Variants in WDSUB1 observed in about 807,000 individuals in gnomAD.
The protein encoded by WDSUB1 is WD repeat, sterile alpha motif and U-box domain containing 1.
WDSUB1 carries 49 observed loss-of-function variants against 53.9 expected under a neutral mutation model. The observed-to-expected ratio is 0.91, with a 90% CI of 0.72 to 1.15. The LOEUF (loss-of-function observed/expected upper bound fraction) is 1.15, where lower values mean the gene tolerates loss of function less well. Ranked by LOEUF, WDSUB1 falls within the 50% of genes most tolerant of loss-of-function variation. WDSUB1 has a pLI of 0.00. For missense variants in WDSUB1, 514 were observed against 562.0 expected, an observed-to-expected ratio of 0.91 and a Z score of 0.86; for synonymous variants, 194 against 200.6, an observed-to-expected ratio of 0.97 and a Z score of 0.28.
At chr2:159,260,267 T>G (rs2061160750) in intron 5 of WDSUB1, among the ~76,000 whole-genome samples, 1 of 152,148 alleles carries the variant, frequency 6.6e-6, no homozygotes, top group Non-Finnish European at 1.5e-5. Flanking sequence ...ATCATGCCAC[T>G]GTACTCCAGC....
chr2:159,279,728 AT>A, intron 3 of WDSUB1, 32 bp downstream of exon 3: 1 of 1,557,776 alleles, frequency 6.4e-7, no homozygotes, highest in Non-Finnish European at 8.7e-7. Flanking sequence ...ACAAATAGGA[AT>A]TTCTAGTGCT....
chr2:159,268,409 A>T (rs2061385687), intron 5 of WDSUB1, among the ~76,000 whole-genome samples: 1 of 152,248 alleles, frequency 6.6e-6, no homozygotes, highest in Non-Finnish European at 1.5e-5. Flanking sequence ...GACAATTACT[A>T]TAAATACTTT....
intron 2 of WDSUB1, 52 bp downstream of exon 2, chr2:159,282,620 T>A: frequency 6.5e-7 from 1 of 1,545,486 alleles, no homozygotes; most frequent in Non-Finnish European, 8.7e-7. Flanking sequence ...CAGTTTTTTT[T>A]AAGTACACCT....
chr2:159,260,826 A>C (rs1325523758), intron 5 of WDSUB1, among the ~76,000 whole-genome samples: 1 of 152,232 alleles, frequency 6.6e-6, no homozygotes, highest in Non-Finnish European at 1.5e-5. Flanking sequence ...GTGAAAAAAC[A>C]TCTGCAATAC....
intron 2 of WDSUB1, among the ~76,000 whole-genome samples, chr2:159,281,070 A>C (rs543770075): frequency 3.9e-5 from 6 of 152,322 alleles, no homozygotes; most frequent in African/African-American, 1.4e-4. Context: ...TCTTCAACCC[A>C]AAGACCTAAG....
intron 5 of WDSUB1, among the ~76,000 whole-genome samples, chr2:159,262,393 T>C (rs1316883109): frequency 6.6e-6 from 1 of 151,982 alleles, no homozygotes; most frequent in Non-Finnish European, 1.5e-5. Flanking sequence ...ATCTGGACGA[T>C]TTCACAGGCC....
chr2:159,248,911 T>TA (rs1244377885), intron 9 of WDSUB1, among the ~76,000 whole-genome samples: 2 of 152,206 alleles, frequency 1.3e-5, no homozygotes, highest in African/African-American at 2.4e-5. Flanking sequence ...CAGCCACAAA[T>TA]AGAGATTTTA....
intron 5 of WDSUB1, 29 bp from the exon 6 acceptor site, chr2:159,259,872 A>C: frequency 6.7e-7 from 1 of 1,486,578 alleles, no homozygotes; most frequent in Non-Finnish European, 9.1e-7. Context: ...ATAGGTGAAA[A>C]GTTCTATAAA....
At chr2:159,268,252 T>C (rs1374768235) in intron 5 of WDSUB1, among the ~76,000 whole-genome samples, 1 of 152,230 alleles carries the variant, frequency 6.6e-6, no homozygotes, top group Non-Finnish European at 1.5e-5. Context: ...ACAAACACTG[T>C]CTTATACTTC....
intron 10 of WDSUB1, among the ~76,000 whole-genome samples, chr2:159,244,787 G>C (rs939965702): frequency 6.6e-6 from 1 of 152,018 alleles, no homozygotes; most frequent in Non-Finnish European, 1.5e-5. Flanking sequence ...CAAGTTAGCC[G>C]GGCATGGTAG....
At chr2:159,274,904 A>C (rs1473454681) in intron 4 of WDSUB1, among the ~76,000 whole-genome samples, 1 of 152,222 alleles carries the variant, frequency 6.6e-6, no homozygotes, top group Non-Finnish European at 1.5e-5. Flanking sequence ...TGAAAAGAAA[A>C]CAAAGAAGAT....
intron 10 of WDSUB1, among the ~76,000 whole-genome samples, chr2:159,246,670 CCAGA>C (rs576512354): frequency 1.0e-3 from 159 of 152,196 alleles, no homozygotes; most frequent in Non-Finnish European, 1.9e-3. Context: ...TGAGAAATGT[CCAGA>C]CAAAGATCTG....
rs2061097215 is a variant in WDSUB1, at chr2:159,257,751, T to TA, written c.952+6dup. On this transcript the variant is annotated splice_region_variant and intron_variant, in intron 8 of 10. Transcript: ENST00000359774. ...TGAAATGAGTGAAAAATGATGTCCT[T>TA]ACTAACCTTGGCAAAGTGTTTCCAG... The TA allele has an allele frequency of 6.2e-7, 1 of 1,611,262 alleles. No homozygotes were observed. The highest frequency in any genetic ancestry group is 1.3e-5 in the African/African-American group (1 of 74,776).
At chr2:159,276,866 G>T (rs1285292077) in intron 3 of WDSUB1, among the ~76,000 whole-genome samples, 1 of 152,176 alleles carries the variant, frequency 6.6e-6, no homozygotes, top group Non-Finnish European at 1.5e-5. Flanking sequence ...TTAGCCGGGT[G>T]TGGTGGCACA....
At chr2:159,272,602 A>G (rs2061465818) in intron 4 of WDSUB1, among the ~76,000 whole-genome samples, 1 of 152,222 alleles carries the variant, frequency 6.6e-6, no homozygotes, top group South Asian at 2.1e-4. Flanking sequence ...AAAATTTTTA[A>G]CTTTTAAACT....
chr2:159,271,122 T>C (rs1224707947), intron 5 of WDSUB1, among the ~76,000 whole-genome samples: 1 of 152,204 alleles, frequency 6.6e-6, no homozygotes, highest in Non-Finnish European at 1.5e-5. Flanking sequence ...AAGTATTAAT[T>C]GTTCAGCCAC....
Position 159,257,834 on chromosome 2 carries a change from A to G in WDSUB1, c.876T>C (p.Asn292=), listed in dbSNP as rs780706813. ...TTGAACCAGTAGCAAGTAAAAGGGT[A>G]TTAGGTGCAAAAGCACAAGTTGTGA... The part of the protein sequence containing the change: ...RYVTTCAFAP[N]TLLLATGSMD... Residue 292 remains asparagine, a synonymous_variant, in exon 8 of 11, where the codon AAT becomes AAC. Transcript: ENST00000359774. The G allele has an allele frequency of 1.9e-6, 3 of 1,614,110 alleles. No homozygotes were observed. The highest frequency in any genetic ancestry group is 2.5e-6 in the Non-Finnish European group (3 of 1,180,030).
intron 1 of WDSUB1, 83 bp downstream of exon 1, chr2:159,286,500 C>T (rs930987815): frequency 4.8e-5 from 4 of 83,452 alleles, no homozygotes; most frequent in Non-Finnish European, 1.2e-4. Flanking sequence ...AGGGCTCAGA[C>T]GCCCCGCGCG....
In WDSUB1 at chr2:159,257,969, A is replaced by G. The variant is rs2061104265; in HGVS notation, c.821T>C (p.Leu274Pro). ...CCTGGTGTGCTGAGTCAATGTGTGAAGTATATTCTCAGTATTCTGAAAAAC... is the reference window on the plus strand; with the variant it reads ...CCTGGTGTGCTGAGTCAATGTGTGAGGTATATTCTCAGTATTCTGAAAAAC... ...IVYDTNTENI[L>P]HTLTQHTRYV... Residue 274 changes from leucine (L) to proline (P), a missense_variant, in exon 7 of 11, where the codon CTT (leucine) becomes CCT (proline). Coordinates refer to ENST00000359774, the MANE Select transcript of WDSUB1 (RefSeq NM_001128212.3). 2 of 1,613,110 alleles carry G rather than the reference A, an allele frequency of 1.2e-6. No individual in the cohort carries two copies. The highest frequency in any genetic ancestry group is 1.7e-6 in the Non-Finnish European group (2 of 1,179,776).
Sources: gnomAD v4.1 joint callset for allele counts (sites outside exome capture counted in the v4.1 genomes callset) on GRCh38, gnomAD v4.1.1 for gene constraint, MANE v1.5 for transcripts, NCBI Gene and HGNC (gene_info 2026-07-23, HGNC 2026-07-21) for gene names.